Variants in PARD3B observed in about 807,000 individuals in gnomAD.
PARD3B encodes the protein par-3 family cell polarity regulator beta.
In PARD3B, 103 loss-of-function variants were observed where a neutral mutation model predicts 130.2. The observed-to-expected ratio is 0.79, with a 90% CI of 0.67 to 0.93. The LOEUF (loss-of-function observed/expected upper bound fraction) is 0.93. Among genes scored for constraint, PARD3B ranks in the 40% least tolerant of loss-of-function variants. PARD3B has a pLI of 0.00. For missense variants in PARD3B, 1,609 were observed against 1,499.2 expected (o/e 1.07, Z -1.21); for synonymous variants, 583 against 553.2 (o/e 1.05, Z -0.76).
chr2:205,310,520 C>T (rs1225308960), intron 18 of PARD3B, among the ~76,000 whole-genome samples: 1 of 151,980 alleles, frequency 6.6e-6, no homozygotes, highest in African/African-American at 2.4e-5. Flanking sequence ...CCTCTGGTGA[C>T]CATCATTCTA....
rs1217740378 is a variant in PARD3B at position 204,969,994 on chromosome 2, G to GT, written c.394+4679dup. Among the ~76,000 whole-genome samples, 8 of 151,906 alleles carry GT rather than the reference G, an allele frequency of 5.3e-5. No homozygotes were observed. In the South Asian group the frequency reaches 8.3e-4, roughly 16 times the overall value. ...TACTAATGGGATCCATAGATGTGGG[G>GT]TTTTTTTTAATAACGTGGATATTTT... On this transcript the variant is annotated intron_variant, in intron 3 of 22. Coordinates refer to ENST00000406610, the MANE Select transcript of PARD3B (RefSeq NM_001302769.2).
intron 16 of PARD3B, among the ~76,000 whole-genome samples, chr2:205,278,568 G>A (rs781231598): frequency 6.6e-6 from 1 of 152,172 alleles, no homozygotes; most frequent in Non-Finnish European, 1.5e-5. Context: ...GTTAGCTGAT[G>A]TGGGAGAAGC....
At chr2:204,941,233 G>C (rs543473635) in intron 2 of PARD3B, among the ~76,000 whole-genome samples, 13 of 152,282 alleles carry the variant, frequency 8.5e-5, no homozygotes, top group African/African-American at 3.1e-4. Flanking sequence ...AATTAGCAGG[G>C]CGTGGTGGCA....
chr2:205,294,411 A>G (rs2041715864), intron 16 of PARD3B, among the ~76,000 whole-genome samples: 3 of 152,178 alleles, frequency 2.0e-5, no homozygotes, highest in Admixed American at 6.6e-5. Context: ...TTTTGGGGAC[A>G]TAATCTGAGT....
chr2:204,600,893 T>C (rs1279557609), intron 1 of PARD3B, among the ~76,000 whole-genome samples: 1 of 151,864 alleles, frequency 6.6e-6, no homozygotes, highest in Non-Finnish European at 1.5e-5. Flanking sequence ...AGCTAGATAG[T>C]TGAATCTTTC....
chr2:204,975,929 A>G (rs956149176), intron 3 of PARD3B, among the ~76,000 whole-genome samples: 2 of 152,160 alleles, frequency 1.3e-5, no homozygotes, highest in Non-Finnish European at 2.9e-5. Context: ...ATTACCTTTA[A>G]AAACTTAAAT....
At chr2:205,131,895 G>T (rs1252422087) in intron 10 of PARD3B, among the ~76,000 whole-genome samples, 3 of 152,102 alleles carry the variant, frequency 2.0e-5, no homozygotes, top group Non-Finnish European at 4.4e-5. Context: ...TCACTAGAGG[G>T]TACCAGTAAG....
chr2:205,074,683 A>T (rs762346454), intron 4 of PARD3B, among the ~76,000 whole-genome samples: 2 of 152,184 alleles, frequency 1.3e-5, no homozygotes, highest in Non-Finnish European at 2.9e-5. Flanking sequence ...ATCATTGTGC[A>T]TCGCAAAATT....
intron 2 of PARD3B, among the ~76,000 whole-genome samples, chr2:204,924,274 T>C (rs6435258): frequency 0.24 from 36,038 of 151,944 alleles, 4,715 homozygotes; most frequent in Non-Finnish European, 0.3. Flanking sequence ...TGGGAGAAGA[T>C]ACTTTCTTCT....
At chr2:204,858,160 A>C (rs1209180652) in intron 2 of PARD3B, among the ~76,000 whole-genome samples, 1 of 152,190 alleles carries the variant, frequency 6.6e-6, no homozygotes, top group Non-Finnish European at 1.5e-5. Flanking sequence ...GAAACTAGTT[A>C]ATTGCTCATT....
chr2:205,603,135 A>G (rs2054855151), intron 22 of PARD3B, among the ~76,000 whole-genome samples: 1 of 152,186 alleles, frequency 6.6e-6, no homozygotes, highest in Non-Finnish European at 1.5e-5. Context: ...GTTATTCAGG[A>G]GCAGGTTGTT....
intron 4 of PARD3B, among the ~76,000 whole-genome samples, chr2:205,073,129 C>A (rs1234735533): frequency 3.3e-5 from 5 of 152,084 alleles, no homozygotes; most frequent in Admixed American, 3.3e-4. Context: ...TTTTTGGTTA[C>A]TATTCCAATT....
At chr2:204,813,167 A>G (rs2043023342) in intron 2 of PARD3B, among the ~76,000 whole-genome samples, 1 of 152,186 alleles carries the variant, frequency 6.6e-6, no homozygotes, top group African/African-American at 2.4e-5. Context: ...TTACACTCAC[A>G]CCAATATTGG....
At chr2:205,008,461 C>T (rs1207358731) in intron 3 of PARD3B, among the ~76,000 whole-genome samples, 2 of 151,954 alleles carry the variant, frequency 1.3e-5, no homozygotes, top group Admixed American at 1.3e-4. Context: ...AAAAAATGTG[C>T]CTTTCACTGC....
intron 10 of PARD3B, among the ~76,000 whole-genome samples, chr2:205,131,035 T>C (rs1043462193): frequency 6.6e-6 from 1 of 152,202 alleles, no homozygotes; most frequent in Non-Finnish European, 1.5e-5. Flanking sequence ...CATCTTGAAA[T>C]GTCAAATTAT....
At position 205,617,702 on chromosome 2, in the gene PARD3B, G is replaced by A. The variant is rs2055478692; in HGVS notation, c.*1889G>A. ...TGTTCGAAGTGGTTGAGGATCTCAG[G>A]CCCTGCTCACGTGAGGTGGAGTGCA... On this transcript the variant is annotated 3_prime_UTR_variant, in exon 23 of 23. Transcript: ENST00000406610. 6.6e-6 allele frequency: 1 copy of A among 152,128 alleles called. No homozygotes were observed. Among genetic ancestry groups the A allele is most frequent in the Admixed American group, 6.5e-5 (1 of 15,280 alleles). 9.4% of individuals were successfully genotyped at this position (152,128 alleles called of 1,614,324 possible).
rs911029665 is a variant in PARD3B at position 204,887,997 on chromosome 2, A to T, written c.223-77155A>T. Reference sequence around the variant, plus strand: ...CCCAGCATTCCAACTGGGAGGGATCATTGGTGAAGTGTCAAGATGTCCATG... The same window carrying T: ...CCCAGCATTCCAACTGGGAGGGATCTTTGGTGAAGTGTCAAGATGTCCATG... On this transcript the variant is annotated intron_variant, in intron 2 of 22. Transcript: ENST00000406610. The surrounding 1 kb of genome is among the most constrained non-coding windows in gnomAD (Gnocchi z 4.2). 9.2e-5 allele frequency among the ~76,000 whole-genome samples: 14 copies of T among 152,124 alleles called. No individual in the cohort carries two copies. Among genetic ancestry groups the T allele is most frequent in the African/African-American group, 2.9e-4 (12 of 41,436 alleles).
chr2:205,124,328 C>T lies in PARD3B; in HGVS notation c.1167C>T (p.Gly389=). Residue 389 remains glycine, a splice_region_variant and synonymous_variant, in exon 9 of 23, where the codon GGC becomes GGT. Transcript: ENST00000406610. ...AKKIKIDLKK[G]PEGLGFTVVT... ...CATTTTCCTGTTCTTATACACTAGG[C>T]CCTGAAGGACTTGGTTTCACTGTGG... 1 of 1,550,210 alleles carries T rather than the reference C, an allele frequency of 6.5e-7. No homozygotes were observed. The highest frequency in any genetic ancestry group is 8.7e-7 in the Non-Finnish European group (1 of 1,146,362).
intron 3 of PARD3B, among the ~76,000 whole-genome samples, chr2:205,027,663 A>G (rs1697131953): frequency 6.6e-6 from 1 of 151,818 alleles, no homozygotes; most frequent in Non-Finnish European, 1.5e-5. Flanking sequence ...GAGCTTTTTC[A>G]CTGTGCTTTT....
Sources: allele counts gnomAD v4.1 joint callset (sites outside exome capture counted in the v4.1 genomes callset), GRCh38; gene constraint gnomAD v4.1.1; non-coding constraint Gnocchi (gnomAD v3.1); transcripts MANE v1.5; gene names NCBI Gene and HGNC (gene_info 2026-07-23, HGNC 2026-07-21).